The following PDE8A variants were observed in gnomAD, a reference collection of about 807,000 sequenced individuals.
PDE8A encodes the protein phosphodiesterase 8A.
Under a neutral mutation model 105.0 loss-of-function variants are expected in PDE8A, and 59 were observed. That is an observed-to-expected ratio of 0.56 (90% CI 0.46 to 0.70). The LOEUF is 0.70. PDE8A is among the 30% of genes least tolerant of loss of function. PDE8A has a pLI of 0.00. For missense variants in PDE8A, 1,014 were observed against 1,045.9 expected (o/e 0.97, Z 0.42); for synonymous variants, 355 against 371.9 (o/e 0.95, Z 0.52).
intron 1 of PDE8A, among the ~76,000 whole-genome samples, chr15:85,011,833 C>G (rs2080244065): frequency 6.6e-6 from 1 of 152,140 alleles, no homozygotes; most frequent in African/African-American, 2.4e-5. Flanking sequence ...CTACAATGAA[C>G]TCAAACAAAT....
intron 1 of PDE8A, among the ~76,000 whole-genome samples, chr15:85,030,677 A>C (rs1271997606): frequency 6.6e-6 from 1 of 150,406 alleles, no homozygotes; most frequent in Non-Finnish European, 1.5e-5. Flanking sequence ...ATTCCTTAAC[A>C]TGCTTGGTGG....
intron 1 of PDE8A, among the ~76,000 whole-genome samples, chr15:85,043,873 A>G (rs2080849495): frequency 6.6e-6 from 1 of 151,908 alleles, no homozygotes; most frequent in Non-Finnish European, 1.5e-5. Context: ...AATTTTTGGT[A>G]TTTTTAGTAG....
At chr15:85,071,010 G>A (rs1381644316) in intron 3 of PDE8A, among the ~76,000 whole-genome samples, 2 of 151,888 alleles carry the variant, frequency 1.3e-5, no homozygotes, top group African/African-American at 4.8e-5. Context: ...CCCATGAAGA[G>A]GGAAAAAGAG....
intron 16 of PDE8A, among the ~76,000 whole-genome samples, chr15:85,116,797 T>C (rs2082103391): frequency 6.6e-6 from 1 of 152,190 alleles, no homozygotes; most frequent in South Asian, 2.1e-4. Context: ...CCAAGATAAC[T>C]CCCTGACTTT....
chr15:85,070,522 G>A (rs1190333224), intron 3 of PDE8A, among the ~76,000 whole-genome samples: 4 of 152,168 alleles, frequency 2.6e-5, no homozygotes, highest in Admixed American at 6.5e-5. Flanking sequence ...AGAGGGCTTC[G>A]CAAGAGGATA....
chr15:85,003,584 A>G (rs2080099911), intron 1 of PDE8A, among the ~76,000 whole-genome samples: 3 of 152,214 alleles, frequency 2.0e-5, no homozygotes, highest in Admixed American at 2.0e-4. Context: ...TTTCAGCATA[A>G]GAATTAATAC....
At chr15:85,012,236 G>GAC (rs1231290217) in intron 1 of PDE8A, among the ~76,000 whole-genome samples, 1 of 152,112 alleles carries the variant, frequency 6.6e-6, no homozygotes, top group East Asian at 1.9e-4. Flanking sequence ...CTGCTATAAA[G>GAC]ACACATGCAC....
At chr15:85,116,779 ACCTGTCC>A (rs2141610250) in intron 16 of PDE8A, among the ~76,000 whole-genome samples, 2 of 152,244 alleles carry the variant, frequency 1.3e-5, no homozygotes, top group East Asian at 3.9e-4. Context: ...AGTCTGGGTG[ACCTGTCC>A]CCAAGATAAC....
chr15:84,987,974 G>A (rs1257032377), intron 1 of PDE8A, among the ~76,000 whole-genome samples: 1 of 152,224 alleles, frequency 6.6e-6, no homozygotes, highest in Non-Finnish European at 1.5e-5. Context: ...AGTACACTGA[G>A]GCAGTAGGAG....
In PDE8A at chr15:85,118,740, C is replaced by T. The variant is rs142135748; in HGVS notation, c.1734+901C>T. On this transcript the variant is annotated intron_variant, in intron 17 of 21. Coordinates refer to ENST00000394553, the MANE Select transcript of PDE8A (RefSeq NM_002605.3). ...AGCTTCTGCCCTTGACCTGTTGCTC[C>T]CTTGACTGGGGCCTAAGATGACTGC... Among the ~76,000 whole-genome samples, 342 of 152,346 alleles carry T rather than the reference C, an allele frequency of 2.2e-3. 2 individuals carry two copies. Among genetic ancestry groups the T allele is most frequent in the African/African-American group, 8.0e-3 (331 of 41,568 alleles).
At position 85,117,674 on chromosome 15, in the gene PDE8A, T is replaced by C; in HGVS notation, c.1569T>C (p.Ala523=). Residue 523 remains alanine, a synonymous_variant, in exon 17 of 22, where the codon GCT becomes GCC. Transcript: ENST00000394553. ...PLIYLGLKMF[A]RFGICEFLHC... Reference sequence around the variant, plus strand: ...TTTATCTTGGTCTCAAAATGTTTGCTCGCTTTGGAATCTGTGAATTCTTAC... The same window carrying C: ...TTTATCTTGGTCTCAAAATGTTTGCCCGCTTTGGAATCTGTGAATTCTTAC... 6.2e-7 allele frequency: 1 copy of C among 1,614,222 alleles called. No individual in the cohort carries two copies. Among genetic ancestry groups the C allele is most frequent in the Non-Finnish European group, 8.5e-7 (1 of 1,180,024 alleles).
intron 6 of PDE8A, among the ~76,000 whole-genome samples, chr15:85,084,691 A>G (rs1392454043): frequency 6.6e-6 from 1 of 152,200 alleles, no homozygotes; most frequent in Admixed American, 6.5e-5. Context: ...ACTTACACCC[A>G]AGATCTTGTA....
chr15:85,117,505 G>A, intron 16 of PDE8A, 136 bp from the exon 17 acceptor site: 3 of 728,236 alleles, frequency 4.1e-6, no homozygotes, highest in Non-Finnish European at 7.1e-6. Flanking sequence ...ACCAGAGAGA[G>A]GCCAGCACAG....
chr15:85,099,490 G>C (rs1223368161), intron 9 of PDE8A, among the ~76,000 whole-genome samples: 1 of 152,156 alleles, frequency 6.6e-6, no homozygotes, highest in Non-Finnish European at 1.5e-5. Flanking sequence ...AGGGGAAAAA[G>C]TGAAAAAACT....
intron 1 of PDE8A, among the ~76,000 whole-genome samples, chr15:85,016,386 C>T (rs208966): frequency 0.36 from 54,586 of 151,666 alleles, 10,929 homozygotes; most frequent in South Asian, 0.5. Flanking sequence ...TCAGTTTAAT[C>T]TTTTTTTCCA....
intron 1 of PDE8A, among the ~76,000 whole-genome samples, chr15:85,004,911 T>C (rs1010901316): frequency 6.6e-6 from 1 of 151,966 alleles, no homozygotes; most frequent in Non-Finnish European, 1.5e-5. Flanking sequence ...CATAGTTTCT[T>C]TGAAGAATAC....
At chr15:85,104,592 G>T (rs1014072917) in intron 11 of PDE8A, among the ~76,000 whole-genome samples, 26 of 152,236 alleles carry the variant, frequency 1.7e-4, no homozygotes, top group African/African-American at 6.0e-4. Flanking sequence ...TTGGGAACCA[G>T]CTTACTGTGT....
In PDE8A at chr15:85,093,189, C is replaced by T. The variant is rs553344529; in HGVS notation, c.852+2008C>T. Among the ~76,000 whole-genome samples the T allele has an allele frequency of 6.6e-5, 10 of 152,302 alleles. 1 individual carries two copies. In the South Asian group the frequency reaches 1.9e-3, roughly 28 times the overall value. ...AAGTTTTGGGATTACAGGTGTGAGC[C>T]ACTGCAGCTGGCCTGTACTGCTTTA... On this transcript the variant is annotated intron_variant, in intron 8 of 21. Coordinates refer to ENST00000394553, the MANE Select transcript of PDE8A (RefSeq NM_002605.3).
At chr15:85,101,884 C>G (rs2081868692) in intron 11 of PDE8A, among the ~76,000 whole-genome samples, 1 of 152,086 alleles carries the variant, frequency 6.6e-6, no homozygotes, top group African/African-American at 2.4e-5. Context: ...GAGAGCTCTA[C>G]CTGTGAGGTC....
Sources: allele counts gnomAD v4.1 joint callset (sites outside exome capture counted in the v4.1 genomes callset), GRCh38; gene constraint gnomAD v4.1.1; transcripts MANE v1.5; gene names NCBI Gene and HGNC (gene_info 2026-07-23, HGNC 2026-07-21).